Variants in GABRB1 observed in about 807,000 individuals in gnomAD.
GABRB1 encodes gamma-aminobutyric acid receptor subunit beta-1.
In GABRB1, 17 loss-of-function variants were observed where a neutral mutation model predicts 51.6. The ratio of observed to expected loss-of-function variants is 0.33; its 90% confidence interval spans 0.23 to 0.49. GABRB1 has a LOEUF of 0.49. Ranked by LOEUF, GABRB1 falls within the 20% of genes least tolerant of loss-of-function variation. The probability of loss-of-function intolerance (pLI) is 0.99; values close to 1 mark genes in which losing one functional copy is unlikely to be tolerated. For missense variants in GABRB1, 410 were observed against 600.6 expected (o/e 0.68, Z 3.32); for synonymous variants, 247 against 218.9 (o/e 1.13, Z -1.14).
intron 4 of GABRB1, among the ~76,000 whole-genome samples, chr4:47,215,871 A>T (rs188463971): frequency 1.3e-5 from 2 of 152,220 alleles, no homozygotes; most frequent in East Asian, 1.9e-4. Context: ...AGCTCAGTCA[A>T]ATTCTTCATT....
chr4:47,338,038 T>A (rs775690463), intron 5 of GABRB1, among the ~76,000 whole-genome samples: 26 of 152,164 alleles, frequency 1.7e-4, no homozygotes, highest in South Asian at 8.3e-4. Flanking sequence ...TTTCTCACAT[T>A]TGTCATCACT....
chr4:47,008,503 C>A (rs1176015144), intron 1 of GABRB1, among the ~76,000 whole-genome samples: 6 of 151,118 alleles, frequency 4.0e-5, no homozygotes, highest in African/African-American at 9.7e-5. Context: ...CACTCTTTTG[C>A]CCCAGCTGGA....
chr4:47,149,715 A>C (rs1717341322), intron 3 of GABRB1, among the ~76,000 whole-genome samples: 1 of 152,044 alleles, frequency 6.6e-6, no homozygotes, highest in Admixed American at 6.6e-5. Flanking sequence ...ATAAAGCTAC[A>C]TCAGAGGAAA....
intron 5 of GABRB1, among the ~76,000 whole-genome samples, chr4:47,337,207 C>T (rs1472818581): frequency 6.6e-6 from 1 of 152,092 alleles, no homozygotes; most frequent in African/African-American, 2.4e-5. Flanking sequence ...AGCTCCACTG[C>T]ACTCCAGCCT....
At chr4:47,287,353 C>T (rs375143233) in intron 4 of GABRB1, among the ~76,000 whole-genome samples, 66 of 152,284 alleles carry the variant, frequency 4.3e-4, no homozygotes, top group South Asian at 2.5e-3. Context: ...CATGTTAGTA[C>T]GCCTAGAAGC....
chr4:46,997,107 T>C lies in GABRB1; in HGVS notation c.-20+3181T>C, dbSNP rs535246605. Among the ~76,000 whole-genome samples, 9 of 152,298 alleles carry C rather than the reference T, an allele frequency of 5.9e-5. No homozygotes were observed. In the South Asian group the frequency reaches 1.4e-3, roughly 25 times the overall value. ...TAGTTAATGCCTTTTCTCATTTGTA[T>C]TAAAACAGTGTTTCCACTGAAATAT... On this transcript the variant is annotated intron_variant, in intron 1 of 3. Coordinates refer to the GABRB1 transcript ENST00000513567.
At chr4:47,048,479 C>T (rs929114657) in intron 3 of GABRB1, among the ~76,000 whole-genome samples, 8 of 152,144 alleles carry the variant, frequency 5.3e-5, no homozygotes, top group Non-Finnish European at 2.9e-5. Flanking sequence ...AAGAGCCTTA[C>T]ACATAGAGCA....
chr4:47,330,585 C>T (rs1725442643), intron 5 of GABRB1, among the ~76,000 whole-genome samples: 1 of 151,980 alleles, frequency 6.6e-6, no homozygotes, highest in Non-Finnish European at 1.5e-5. Context: ...CTTCCCCTAC[C>T]ACAGAGACAC....
intron 4 of GABRB1, among the ~76,000 whole-genome samples, chr4:47,288,243 CTAT>C (rs34976412): frequency 0.15 from 22,873 of 148,076 alleles, 1,959 homozygotes; most frequent in Non-Finnish European, 0.18. Context: ...GGGCTTATTA[CTAT>C]TATTATTATT....
chr4:47,091,697 C>T (rs920687563), intron 3 of GABRB1, among the ~76,000 whole-genome samples: 1 of 152,204 alleles, frequency 6.6e-6, no homozygotes, highest in Non-Finnish European at 1.5e-5. Flanking sequence ...CTGGACCCAC[C>T]TGCATACACT....
chr4:47,377,794 C>A, intron 5 of GABRB1, among the ~76,000 whole-genome samples: 1 of 152,116 alleles, frequency 6.6e-6, no homozygotes, highest in East Asian at 1.9e-4. Flanking sequence ...AAGTCCCCAC[C>A]AGAGTAGCTA....
intron 4 of GABRB1, among the ~76,000 whole-genome samples, chr4:47,182,825 G>A (rs1410204021): frequency 6.6e-6 from 1 of 151,876 alleles, no homozygotes; most frequent in Non-Finnish European, 1.5e-5. Flanking sequence ...AACTCTAACA[G>A]TTCAGAGATT....
rs1719953496 is a variant in GABRB1, at chr4:47,203,090, T to G, written c.461+41621T>G. On this transcript the variant is annotated intron_variant, in intron 4 of 8. Coordinates refer to ENST00000295454, the MANE Select transcript of GABRB1 (RefSeq NM_000812.4). ...GGAAAAGTGCTGGCCCTGTAGGCAT[T>G]TAAGTATGTCAGCACACAGTCACTC... is the stretch of plus-strand genomic sequence containing the variant. Among the ~76,000 whole-genome samples, 8 of 152,282 alleles carry G rather than the reference T, an allele frequency of 5.3e-5. No individual in the cohort carries two copies. In the South Asian group the frequency reaches 1.7e-3, roughly 32 times the overall value.
At chr4:47,262,642 T>C (rs4594699) in intron 4 of GABRB1, among the ~76,000 whole-genome samples, 100,023 of 152,044 alleles carry the variant, frequency 0.66, 33,196 homozygotes, top group South Asian at 0.81. Context: ...GTGGCGATTC[T>C]TCAGGGATCT....
At chr4:47,309,527 G>T (rs895506813) in intron 4 of GABRB1, among the ~76,000 whole-genome samples, 1 of 152,080 alleles carries the variant, frequency 6.6e-6, no homozygotes, top group Non-Finnish European at 1.5e-5. Flanking sequence ...ATAGCAGTGA[G>T]AATGCTATTT....
At chr4:47,351,610 C>T (rs1726339368) in intron 5 of GABRB1, among the ~76,000 whole-genome samples, 1 of 135,144 alleles carries the variant, frequency 7.4e-6, no homozygotes. Flanking sequence ...CTTCCTGTGT[C>T]CATGTGTTCT....
At chr4:47,125,707 C>T (rs890158222) in intron 3 of GABRB1, among the ~76,000 whole-genome samples, 3 of 147,700 alleles carry the variant, frequency 2.0e-5, no homozygotes, top group African/African-American at 7.4e-5. Flanking sequence ...AGGCGCCTGC[C>T]ACTACGCCCG....
intron 4 of GABRB1, among the ~76,000 whole-genome samples, chr4:47,225,151 T>C (rs1235991021): frequency 6.6e-6 from 1 of 152,088 alleles, no homozygotes; most frequent in Non-Finnish European, 1.5e-5. Flanking sequence ...CACTTTGGCC[T>C]CCCAAAGTGC....
intron 4 of GABRB1, among the ~76,000 whole-genome samples, chr4:47,203,790 G>GT (rs1720001130): frequency 6.6e-6 from 1 of 151,792 alleles, no homozygotes; most frequent in South Asian, 2.1e-4. Context: ...CCCTCAGAGC[G>GT]TAGGTGGAGG....
Sources: allele counts gnomAD v4.1 joint callset (sites outside exome capture counted in the v4.1 genomes callset), GRCh38; gene constraint gnomAD v4.1.1; transcripts MANE v1.5; gene names NCBI Gene and HGNC (gene_info 2026-07-23, HGNC 2026-07-21).